STAM: variants seen among roughly 807,000 people sequenced by gnomAD.
STAM encodes the protein signal transducing adapter molecule 1.
STAM carries 16 observed loss-of-function variants against 63.4 expected under a neutral mutation model. That is an observed-to-expected ratio of 0.25 (90% CI 0.17 to 0.38). The LOEUF is 0.38. STAM is among the 10% of genes least tolerant of loss of function. STAM has a pLI of 1.00. For missense variants in STAM, 636 were observed against 657.1 expected (o/e 0.97, Z 0.35); for synonymous variants, 238 against 223.9 (o/e 1.06, Z -0.56).
At chr10:17,673,053 T>C in intron 2 of STAM, 2 of 985,344 alleles carry the variant, frequency 2.0e-6, no homozygotes, top group Non-Finnish European at 2.4e-6. Flanking sequence ...TTGAGAGAGA[T>C]GAGGATTTGC....
chr10:17,671,246 C>T (rs548215412), intron 2 of STAM, among the ~76,000 whole-genome samples: 8 of 152,180 alleles, frequency 5.3e-5, no homozygotes, highest in African/African-American at 1.9e-4. Flanking sequence ...CACAGTAAAG[C>T]TTTTTTTGTA....
intron 1 of STAM, 115 bp from the exon 2 acceptor site, chr10:17,660,349 A>C (rs554021581): frequency 9.8e-5 from 59 of 603,366 alleles, no homozygotes; most frequent in Non-Finnish European, 1.6e-4. Flanking sequence ...GCTGGCAACT[A>C]TTCTGATTTG....
chr10:17,683,237 C>T (rs1835159056), intron 2 of STAM, among the ~76,000 whole-genome samples: 1 of 152,092 alleles, frequency 6.6e-6, no homozygotes, highest in Admixed American at 6.5e-5. Flanking sequence ...CATCACAGCT[C>T]ACTGCATCCT....
At chr10:17,713,109 CT>C (rs1476056304) in intron 13 of STAM, among the ~76,000 whole-genome samples, 8 of 152,192 alleles carry the variant, frequency 5.3e-5, no homozygotes, top group Non-Finnish European at 1.2e-4. Flanking sequence ...TGATTCCCTC[CT>C]CTTTTCTGAA....
chr10:17,647,090 G>A (rs1833548182), intron 1 of STAM, among the ~76,000 whole-genome samples: 1 of 152,176 alleles, frequency 6.6e-6, no homozygotes, highest in Non-Finnish European at 1.5e-5. Flanking sequence ...TGTGAGGACA[G>A]GGATTTTTGT....
chr10:17,687,526 A>G (rs1277497789), intron 4 of STAM, among the ~76,000 whole-genome samples: 1 of 152,154 alleles, frequency 6.6e-6, no homozygotes, highest in Non-Finnish European at 1.5e-5. Context: ...AAAAGAAAGG[A>G]AAAAAAGTTA....
chr10:17,648,566 T>G (rs1833611488), intron 1 of STAM, among the ~76,000 whole-genome samples: 1 of 152,170 alleles, frequency 6.6e-6, no homozygotes, highest in Non-Finnish European at 1.5e-5. Flanking sequence ...CAAAGGTCCG[T>G]GGCTTCATTC....
At position 17,714,330 on chromosome 10, in the gene STAM, T is replaced by C. The variant is rs1052780190; in HGVS notation, c.1386-213T>C. On this transcript the variant is annotated intron_variant, in intron 13 of 13. Coordinates refer to ENST00000377524, the MANE Select transcript of STAM (RefSeq NM_003473.4). ...GCAAACCACCCCCCCCAACTTTTTT[T>C]ACACAATGGTTAAATAACACACATA... is the stretch of plus-strand genomic sequence containing the variant. Among the ~76,000 whole-genome samples, 6 of 151,970 alleles carry C rather than the reference T, an allele frequency of 3.9e-5. No individual in the cohort carries two copies. The East Asian group carries it at 1.2e-3, about 29-fold the overall frequency.
At chr10:17,659,679 T>C (rs1304145225) in intron 1 of STAM, among the ~76,000 whole-genome samples, 3 of 151,900 alleles carry the variant, frequency 2.0e-5, no homozygotes, top group Non-Finnish European at 4.4e-5. Context: ...CCCAGACTGG[T>C]CTCCAATTCC....
chr10:17,673,011 T>C (rs904005990), intron 2 of STAM: 19 of 985,324 alleles, frequency 1.9e-5, no homozygotes, highest in Non-Finnish European at 2.3e-5. Context: ...CAAAAAGTTT[T>C]AAAATACCAA....
At chr10:17,648,240 GATCAGTGCTCTGTAAAAACGCACCA>G (rs1564524165) in intron 1 of STAM, among the ~76,000 whole-genome samples, 5 of 152,132 alleles carry the variant, frequency 3.3e-5, no homozygotes, top group Admixed American at 2.6e-4. Flanking sequence ...AAAATGCACC[GATCAGTGCTCTGTAAAAACGCACCA>G]ATCAGTGCTC....
At position 17,714,534 on chromosome 10, in the gene STAM, C is replaced by G. The variant is rs79678367; in HGVS notation, c.1386-9C>G. On this transcript the variant is annotated splice_polypyrimidine_tract_variant and intron_variant, in intron 13 of 13. Coordinates refer to ENST00000377524, the MANE Select transcript of STAM (RefSeq NM_003473.4). ...ATTGATGTAATTGAGTGTTTTTCTT[C>G]CTCCACAGTACAATGGTCAGTTCCG... 55 of 1,611,734 alleles carry G rather than the reference C, an allele frequency of 3.4e-5. No homozygotes were observed. The highest frequency in any genetic ancestry group is 4.2e-5 in the Non-Finnish European group (49 of 1,178,100).
rs557249874 is a variant in STAM, at chr10:17,715,453, A to G, written c.*673A>G. 4 of 152,404 alleles carry G rather than the reference A, an allele frequency of 2.6e-5. No homozygotes were observed. The highest frequency in any genetic ancestry group is 2.1e-4 in the South Asian group (1 of 4,828). 9.4% of individuals were successfully genotyped at this position (152,404 alleles called of 1,614,324 possible). On this transcript the variant is annotated 3_prime_UTR_variant, in exon 14 of 14. Coordinates refer to ENST00000377524, the MANE Select transcript of STAM (RefSeq NM_003473.4). ...TGTCTTTCTGTAGCCTCTGCATACTACTGGCTGTCATCACACCAGCGTACA... is the reference window on the plus strand; with the variant it reads ...TGTCTTTCTGTAGCCTCTGCATACTGCTGGCTGTCATCACACCAGCGTACA...
At chr10:17,681,984 T>A (rs1835104958) in intron 2 of STAM, among the ~76,000 whole-genome samples, 1 of 152,248 alleles carries the variant, frequency 6.6e-6, no homozygotes, top group African/African-American at 2.4e-5. Flanking sequence ...GTTTGCTACA[T>A]TCTTGGCCTG....
At chr10:17,712,266 CG>C (rs1228580703) in intron 13 of STAM, among the ~76,000 whole-genome samples, 1 of 152,152 alleles carries the variant, frequency 6.6e-6, no homozygotes, top group Non-Finnish European at 1.5e-5. Context: ...GGAGACAAAA[CG>C]GAAGTCCCAC....
At position 17,716,522 on chromosome 10, in the gene STAM, G is replaced by A. The variant is rs542094479; in HGVS notation, c.*1742G>A. ...ATAAGTTAGTTTTTGATAAATATCT[G>A]TCGGATTATAATCTTTTCCACTCCA... On this transcript the variant is annotated 3_prime_UTR_variant, in exon 14 of 14. Coordinates refer to ENST00000377524, the MANE Select transcript of STAM (RefSeq NM_003473.4). Among the ~76,000 whole-genome samples the A allele has an allele frequency of 2.6e-5, 4 of 152,148 alleles. No homozygotes were observed. The South Asian group carries it at 8.3e-4, about 32-fold the overall frequency.
At chr10:17,653,973 G>A (rs1239118772) in intron 1 of STAM, among the ~76,000 whole-genome samples, 2 of 152,090 alleles carry the variant, frequency 1.3e-5, no homozygotes, top group Non-Finnish European at 2.9e-5. Flanking sequence ...AATCCTGAAG[G>A]GTAGTGGGAA....
chr10:17,647,361 T>A (rs1208389767), intron 1 of STAM, among the ~76,000 whole-genome samples: 10 of 152,226 alleles, frequency 6.6e-5, no homozygotes, highest in African/African-American at 2.2e-4. Flanking sequence ...TGATATACAG[T>A]ATTTTATTCA....
intron 8 of STAM, among the ~76,000 whole-genome samples, chr10:17,699,537 A>G (rs1235989045): frequency 2.0e-5 from 3 of 152,230 alleles, no homozygotes; most frequent in African/African-American, 7.2e-5. Context: ...GCTTCTGGCC[A>G]ATGAATTGTT....
Sources: allele counts gnomAD v4.1 joint callset (sites outside exome capture counted in the v4.1 genomes callset), GRCh38; gene constraint gnomAD v4.1.1; transcripts MANE v1.5; gene names NCBI Gene and HGNC (gene_info 2026-07-23, HGNC 2026-07-21).